Variants in CSTA observed in about 807,000 individuals in gnomAD.
CSTA encodes the protein cystatin A, also known as cystatin-A.
CSTA carries 9 observed loss-of-function variants against 9.2 expected under a neutral mutation model. The observed-to-expected ratio is 0.97, with a 90% confidence interval of 0.59 to 1.70. CSTA has a LOEUF of 1.70. CSTA is among the 40% of genes most tolerant of loss of function. The probability of loss-of-function intolerance (pLI) is 0.00; values close to 1 mark genes in which losing one functional copy is unlikely to be tolerated. For missense variants in CSTA, 118 were observed against 113.1 expected, an observed-to-expected ratio of 1.04 and a Z score of -0.20; for synonymous variants, 36 against 40.6, an observed-to-expected ratio of 0.89 and a Z score of 0.43.
chr3:122,332,150 G>A (rs879620562), intron 1 of CSTA, among the ~76,000 whole-genome samples: 3 of 152,170 alleles, frequency 2.0e-5, no homozygotes, highest in Non-Finnish European at 4.4e-5. Flanking sequence ...CAGCCCAGGG[G>A]TTGGGAACAC....
At chr3:122,339,271 G>A (rs771891342) in intron 2 of CSTA, among the ~76,000 whole-genome samples, 26 of 152,250 alleles carry the variant, frequency 1.7e-4, no homozygotes, top group Non-Finnish European at 2.6e-4. Context: ...AATCTACTTC[G>A]CAGCGTGTTG....
At chr3:122,336,462 A>C (rs1198520651) in intron 1 of CSTA, among the ~76,000 whole-genome samples, 1 of 152,228 alleles carries the variant, frequency 6.6e-6, no homozygotes, top group Non-Finnish European at 1.5e-5. Flanking sequence ...TCCATGAGTC[A>C]TATTAATATA....
At position 122,337,585 on chromosome 3, in the gene CSTA, C is replaced by T. The variant is rs17589; in HGVS notation, c.105C>T (p.Tyr35=). Residue 35 remains tyrosine, a synonymous_variant, in exon 2 of 3, where the codon TAC becomes TAT. Transcript: ENST00000264474. ...TTGAAGAAAAAACAAATGAGACTTA[C>T]GGAAAATTGGAAGCTGTGCAGTATA... ...PQLEEKTNET[Y]GKLEAVQYKT... The T allele has an allele frequency of 0.54, 869,687 of 1,608,798 alleles. 242,894 individuals are homozygous for T. The highest frequency in any genetic ancestry group is 0.57 in the Non-Finnish European group (675,263 of 1,175,458).
In CSTA at chr3:122,341,691, C is replaced by T. The variant is rs1042965935; in HGVS notation, c.*124C>T. On this transcript the variant is annotated 3_prime_UTR_variant, in exon 3 of 3. Transcript: ENST00000264474. ...AGAAATTATTTCTTCAATTATTTCT[C>T]ATTTATTGTATTAAGCAGAAATTAC... 2.1e-5 allele frequency: 26 copies of T among 1,244,432 alleles called. No homozygotes were observed. The African/African-American group carries it at 3.9e-4, about 19-fold the overall frequency. The allele number at this position is 1,244,432 out of a possible 1,614,324, so 77.1% of individuals were successfully genotyped here.
chr3:122,341,131 C>T (rs376327211), intron 2 of CSTA, among the ~76,000 whole-genome samples: 16 of 151,880 alleles, frequency 1.1e-4, no homozygotes, highest in Admixed American at 3.3e-4. Context: ...TTAGTAGAGA[C>T]GGGATTTCAC....
intron 1 of CSTA, among the ~76,000 whole-genome samples, chr3:122,334,118 C>T (rs1224070815): frequency 6.6e-6 from 1 of 152,204 alleles, no homozygotes; most frequent in African/African-American, 2.4e-5. Context: ...CGCTCTCCTG[C>T]CCCTAGCTCT....
intron 1 of CSTA, among the ~76,000 whole-genome samples, chr3:122,331,645 A>G (rs1254227403): frequency 6.6e-6 from 1 of 152,042 alleles, no homozygotes; most frequent in Non-Finnish European, 1.5e-5. Context: ...ACCACAGAAA[A>G]CTCACCATTA....
intron 1 of CSTA, among the ~76,000 whole-genome samples, chr3:122,327,056 G>C (rs1434341042): frequency 6.6e-6 from 1 of 150,584 alleles, no homozygotes; most frequent in Non-Finnish European, 1.5e-5. Context: ...TGGCCAACAT[G>C]GTGAAACCCC....
chr3:122,332,020 A>C (rs1042873721), intron 1 of CSTA, among the ~76,000 whole-genome samples: 2 of 152,190 alleles, frequency 1.3e-5, no homozygotes, highest in Admixed American at 6.5e-5. Context: ...TCCTATGAGA[A>C]TCTAATGCTG....
At chr3:122,327,235 CA>C (rs1438689072) in intron 1 of CSTA, among the ~76,000 whole-genome samples, 302 of 126,086 alleles carry the variant, frequency 2.4e-3, no homozygotes, top group African/African-American at 6.2e-3. Flanking sequence ...GACTCTGTCT[CA>C]AAAAAAAAAA....
At chr3:122,338,815 T>A (rs2075249401) in intron 2 of CSTA, among the ~76,000 whole-genome samples, 1 of 152,236 alleles carries the variant, frequency 6.6e-6, no homozygotes. Flanking sequence ...TTAATTCAAA[T>A]GCATAAATTT....
chr3:122,325,369 G>T lies in CSTA; in HGVS notation c.66+11G>T. ...GAGATTGTTGATAAGGTGAGTTGAT[G>T]CCATTCAGGAAAAAGTCTGAGCCAA... On this transcript the variant is annotated intron_variant, in intron 1 of 2. Coordinates refer to ENST00000264474, the MANE Select transcript of CSTA (RefSeq NM_005213.4). The T allele has an allele frequency of 6.2e-7, 1 of 1,613,886 alleles. No individual in the cohort carries two copies. The highest frequency in any genetic ancestry group is 8.5e-7 in the Non-Finnish European group (1 of 1,179,786).
At chr3:122,335,516 A>G (rs188709353) in intron 1 of CSTA, among the ~76,000 whole-genome samples, 240 of 152,372 alleles carry the variant, frequency 1.6e-3, no homozygotes, top group African/African-American at 5.2e-3. Context: ...TACATTGCAA[A>G]TAATAAGAAC....
intron 1 of CSTA, among the ~76,000 whole-genome samples, chr3:122,333,238 TG>T (rs1211625958): frequency 6.6e-6 from 1 of 152,160 alleles, no homozygotes; most frequent in Admixed American, 6.5e-5. Flanking sequence ...GGGCCAGGCA[TG>T]GGGGCTCACC....
At position 122,341,910 on chromosome 3, in the gene CSTA, G is replaced by GAT. The variant is rs1373004663; in HGVS notation, c.*345_*346dup. Reference sequence around the variant, plus strand: ...AGCCTCCTTGTTCCCTGTGGCTGCTGATAACCCAACATTCCATCTCTACCC... The same window carrying GAT: ...AGCCTCCTTGTTCCCTGTGGCTGCTGATATAACCCAACATTCCATCTCTACCC... On this transcript the variant is annotated 3_prime_UTR_variant, in exon 3 of 3. Coordinates refer to ENST00000264474, the MANE Select transcript of CSTA (RefSeq NM_005213.4). 1 of 312,704 alleles carries GAT rather than the reference G, an allele frequency of 3.2e-6. No individual in the cohort carries two copies. Among genetic ancestry groups the GAT allele is most frequent in the African/African-American group, 2.2e-5 (1 of 46,136 alleles). 19.4% of individuals were successfully genotyped at this position (312,704 alleles called of 1,614,324 possible).
chr3:122,331,507 ATGATTTCCT>A (rs1253871840), intron 1 of CSTA, among the ~76,000 whole-genome samples: 4 of 152,240 alleles, frequency 2.6e-5, no homozygotes, highest in African/African-American at 9.6e-5. Context: ...TCCACTCATG[ATGATTTCCT>A]TGACCCTGGG....
intron 1 of CSTA, among the ~76,000 whole-genome samples, chr3:122,330,702 G>A (rs1266818572): frequency 6.6e-6 from 1 of 152,186 alleles, no homozygotes; most frequent in Admixed American, 6.5e-5. Context: ...GGGGAGACAA[G>A]TTGTCAGGAT....
chr3:122,337,486 C>A, intron 1 of CSTA, 61 bp from the exon 2 acceptor site: 2 of 1,101,116 alleles, frequency 1.8e-6, no homozygotes, highest in African/African-American at 1.5e-5. Context: ...CAGATGGGTA[C>A]ATTGCATACA....
intron 1 of CSTA, among the ~76,000 whole-genome samples, chr3:122,327,466 T>C (rs1187138786): frequency 6.9e-6 from 1 of 145,516 alleles, no homozygotes; most frequent in South Asian, 2.2e-4. Flanking sequence ...GAGGTGGAGT[T>C]TGCAGTGAGC....
Sources: allele counts gnomAD v4.1 joint callset (sites outside exome capture counted in the v4.1 genomes callset), GRCh38; gene constraint gnomAD v4.1.1; transcripts MANE v1.5; gene names NCBI Gene and HGNC (gene_info 2026-07-23, HGNC 2026-07-21).